NR1H4: variants seen among roughly 807,000 people sequenced by gnomAD.
NR1H4 encodes the protein bile acid receptor.
Under a neutral mutation model 58.5 loss-of-function variants are expected in NR1H4, and 23 were observed. The observed-to-expected ratio is 0.39, with a 90% confidence interval of 0.28 to 0.56. The LOEUF is 0.56. Ranked by LOEUF, NR1H4 falls within the 20% of genes least tolerant of loss-of-function variation. The pLI is 0.58. For missense variants in NR1H4, 487 were observed against 576.9 expected (o/e 0.84, Z 1.60); for synonymous variants, 214 against 198.0 (o/e 1.08, Z -0.68).
intron 9 of NR1H4, among the ~76,000 whole-genome samples, chr12:100,548,372 A>G (rs1346936603): frequency 3.9e-5 from 3 of 77,162 alleles, no homozygotes; most frequent in Admixed American, 3.4e-4. Flanking sequence ...ATCTCAATTA[A>G]AAAAAAAAAA....
intron 9 of NR1H4, among the ~76,000 whole-genome samples, chr12:100,553,108 C>T (rs962009530): frequency 2.6e-5 from 4 of 152,078 alleles, no homozygotes; most frequent in Admixed American, 6.5e-5. Context: ...AAGCAATTCT[C>T]CTGCCTCAGC....
chr12:100,481,723 G>A (rs1953385458), intron 1 of NR1H4, among the ~76,000 whole-genome samples: 2 of 151,962 alleles, frequency 1.3e-5, no homozygotes, highest in African/African-American at 4.8e-5. Context: ...GACCATCCTG[G>A]CTAACACGGT....
intron 3 of NR1H4, among the ~76,000 whole-genome samples, chr12:100,510,341 CT>C (rs1354899998): frequency 1.3e-5 from 2 of 151,994 alleles, no homozygotes; most frequent in African/African-American, 2.4e-5. Context: ...TATTATTAAA[CT>C]TTTTAAACCC....
intron 9 of NR1H4, among the ~76,000 whole-genome samples, chr12:100,541,954 A>C (rs1163500504): frequency 2.0e-5 from 3 of 152,190 alleles, no homozygotes; most frequent in Admixed American, 1.3e-4. Flanking sequence ...ATATTCTATG[A>C]ATAAATACTA....
rs75078291 is a variant in NR1H4 at position 100,557,536 on chromosome 12, G to A, written c.1079-4349G>A. On this transcript the variant is annotated intron_variant, in intron 9 of 10. Coordinates refer to ENST00000392986, the MANE Select transcript of NR1H4 (RefSeq NM_001206979.2). ...GATGTGATTTGGACTTCTGGTGAAC[G>A]CATCCCTCATCCAAATAGTGAACAT... 6.4e-3 allele frequency among the ~76,000 whole-genome samples: 975 copies of A among 152,240 alleles called. 16 individuals are homozygous for A. The highest frequency in any genetic ancestry group is 0.022 in the African/African-American group (895 of 41,530).
intron 4 of NR1H4, among the ~76,000 whole-genome samples, chr12:100,523,882 T>C (rs1428775510): frequency 6.6e-6 from 1 of 152,178 alleles, no homozygotes; most frequent in Non-Finnish European, 1.5e-5. Flanking sequence ...ATAGTCACCA[T>C]TCTAAAGCAA....
intron 1 of NR1H4, among the ~76,000 whole-genome samples, chr12:100,479,236 ATT>A (rs1953330640): frequency 1.3e-5 from 2 of 152,336 alleles, no homozygotes; most frequent in South Asian, 4.1e-4. Context: ...TCTCAAATGT[ATT>A]CTTTTCCTAT....
intron 9 of NR1H4, among the ~76,000 whole-genome samples, chr12:100,543,842 A>G: frequency 6.6e-6 from 1 of 152,128 alleles, no homozygotes; most frequent in Non-Finnish European, 1.5e-5. Flanking sequence ...TATTGAACAT[A>G]CACTGGTGGT....
intron 9 of NR1H4, among the ~76,000 whole-genome samples, chr12:100,553,101 C>A (rs1737814529): frequency 6.6e-6 from 1 of 152,052 alleles, no homozygotes; most frequent in South Asian, 2.1e-4. Context: ...CGGGTTCAAG[C>A]AATTCTCCTG....
In NR1H4 at chr12:100,506,397, G is replaced by C. The variant is rs58649869; in HGVS notation, c.80-4381G>C. On this transcript the variant is annotated intron_variant, in intron 3 of 10. Coordinates refer to ENST00000392986, the MANE Select transcript of NR1H4 (RefSeq NM_001206979.2). ...TAGTCCAACCATTTTGGAATATTTG[G>C]CCATGCTGGTTCTTTGGTTGTAAAG... 2.5e-3 allele frequency among the ~76,000 whole-genome samples: 386 copies of C among 152,250 alleles called. 1 individual carries two copies. Among genetic ancestry groups the C allele is most frequent in the African/African-American group, 9.0e-3 (375 of 41,554 alleles).
chr12:100,494,083 A>G (rs915669726), intron 3 of NR1H4, among the ~76,000 whole-genome samples: 1 of 152,234 alleles, frequency 6.6e-6, no homozygotes, highest in African/African-American at 2.4e-5. Flanking sequence ...TCCCTTCTGC[A>G]TAATAGCCCT....
intron 8 of NR1H4, among the ~76,000 whole-genome samples, chr12:100,540,259 A>G (rs1425836728): frequency 6.6e-6 from 1 of 152,090 alleles, no homozygotes; most frequent in African/African-American, 2.4e-5. Context: ...TTGACTAAAG[A>G]CTCATGAGTT....
intron 9 of NR1H4, among the ~76,000 whole-genome samples, chr12:100,547,033 T>C (rs1955087278): frequency 6.6e-6 from 1 of 152,164 alleles, no homozygotes; most frequent in South Asian, 2.1e-4. Context: ...TTTCCATGTA[T>C]CCCTTTTCTC....
chr12:100,539,516 T>C (rs988724310), intron 8 of NR1H4, among the ~76,000 whole-genome samples: 1 of 152,188 alleles, frequency 6.6e-6, no homozygotes, highest in African/African-American at 2.4e-5. Context: ...CTATACTCCC[T>C]TTGCTATTTA....
Position 100,542,791 on chromosome 12 carries a change from T to C in NR1H4, c.1078+1973T>C, listed in dbSNP as rs1283010965. On this transcript the variant is annotated intron_variant, in intron 9 of 10. Transcript: ENST00000392986. ...CTCCATAGTCATTATGTTTTTTTCC[T>C]AGTTAAAAACAAAAAGCATAATTAG... is the stretch of plus-strand genomic sequence containing the variant. Among the ~76,000 whole-genome samples the C allele has an allele frequency of 2.0e-5, 3 of 152,216 alleles. No individual in the cohort carries two copies. The East Asian group carries it at 5.8e-4, about 29-fold the overall frequency.
chr12:100,560,846 A>AG (rs1199831712), intron 9 of NR1H4, among the ~76,000 whole-genome samples: 1 of 152,190 alleles, frequency 6.6e-6, no homozygotes, highest in African/African-American at 2.4e-5. Context: ...AGGGAGCACC[A>AG]GGTGAGAGTG....
chr12:100,540,885 TG>T, intron 9 of NR1H4, 67 bp downstream of exon 9: 1 of 1,503,816 alleles, frequency 6.6e-7, no homozygotes, highest in Non-Finnish European at 9.2e-7. Context: ...TTCATGAGGG[TG>T]GGGCTCTTGC....
At chr12:100,505,641 T>C in intron 3 of NR1H4, 1 of 701,266 alleles carries the variant, frequency 1.4e-6, no homozygotes, top group Non-Finnish European at 2.6e-6. Context: ...TAAACTTCCA[T>C]GGAGAACCGT....
intron 4 of NR1H4, among the ~76,000 whole-genome samples, chr12:100,516,868 C>A (rs759761952): frequency 2.0e-5 from 3 of 152,102 alleles, no homozygotes; most frequent in Non-Finnish European, 4.4e-5. Flanking sequence ...CTTATTAATT[C>A]TCATATCTTA....
Sources: gnomAD v4.1 joint callset for allele counts (sites outside exome capture counted in the v4.1 genomes callset) on GRCh38, gnomAD v4.1.1 for gene constraint, MANE v1.5 for transcripts, NCBI Gene and HGNC (gene_info 2026-07-23, HGNC 2026-07-21) for gene names.